ANKRD39: variants seen among roughly 807,000 people sequenced by gnomAD.
ANKRD39 encodes ankyrin repeat domain 39.
ANKRD39 carries 18 observed loss-of-function variants against 20.3 expected under a neutral mutation model. That is an observed-to-expected ratio of 0.89 (90% confidence interval 0.61 to 1.32). The LOEUF (loss-of-function observed/expected upper bound fraction) is 1.32, where lower values mean the gene tolerates loss of function less well. Ranked by LOEUF, ANKRD39 falls within the 40% of genes most tolerant of loss-of-function variation. ANKRD39 has a pLI of 0.00. For synonymous variants in ANKRD39, 106 were observed against 111.9 expected, an observed-to-expected ratio of 0.95 and a Z score of 0.33; for missense variants, 243 against 250.7, an observed-to-expected ratio of 0.97 and a Z score of 0.21.
At chr2:96,854,221 GA>G (rs1292125558) in intron 2 of ANKRD39, 116 bp downstream of exon 2, 2 of 1,056,838 alleles carry the variant, frequency 1.9e-6, no homozygotes, top group Non-Finnish European at 2.7e-6. Context: ...AATTTTGCTG[GA>G]AGAGAAGAAA....
At chr2:96,855,560 T>C (rs1331502407) in intron 1 of ANKRD39, among the ~76,000 whole-genome samples, 1 of 151,810 alleles carries the variant, frequency 6.6e-6, no homozygotes, top group East Asian at 1.9e-4. Flanking sequence ...CCGTCTCTAC[T>C]AAAAATACAA....
chr2:96,848,313 C>G lies in ANKRD39; in HGVS notation c.540G>C (p.Leu180=). The stretch of plus-strand genomic sequence containing the variant: ...ATAGGGTGGCGGCTCAGCTGGATAG[C>G]AGGTCCCGCAGGTCACTGTTGCAAG... ...LLPCNSDLRD[L]LSS The change falls in exon 4 of 4, where the codon CTG becomes CTC. Residue 180 remains leucine (L), a synonymous_variant. Coordinates refer to ENST00000393537, the MANE Select transcript of ANKRD39 (RefSeq NM_016466.6). 6.2e-7 allele frequency: 1 copy of G among 1,614,098 alleles called. No homozygotes were observed.
intron 1 of ANKRD39, among the ~76,000 whole-genome samples, chr2:96,855,088 AG>A (rs2079856250): frequency 1.3e-5 from 2 of 152,232 alleles, no homozygotes; most frequent in Admixed American, 6.5e-5. Context: ...AGGTGAGATG[AG>A]GGGAGTTCGG....
At position 96,854,389 on chromosome 2, in the gene ANKRD39, G is replaced by C; in HGVS notation, c.153C>G (p.Ile51Met). ...NGDLGRVKHL[I>M]QKAEDPSQPD... Reference sequence around the variant, plus strand: ...GCTGACTTGGGTCCTCGGCCTTCTGGATTAAATGCTTCACTCGGCCCAGGT... The same window carrying C: ...GCTGACTTGGGTCCTCGGCCTTCTGCATTAAATGCTTCACTCGGCCCAGGT... Residue 51 changes from isoleucine to methionine, a missense_variant, in exon 2 of 4, where the codon ATC becomes ATG. Transcript: ENST00000393537. 1 of 1,614,136 alleles carries C rather than the reference G, an allele frequency of 6.2e-7. No individual in the cohort carries two copies.
chr2:96,857,909 C>A lies in ANKRD39; in HGVS notation c.79G>T (p.Glu27Ter). 6.3e-7 allele frequency: 1 copy of A among 1,584,584 alleles called. No individual in the cohort carries two copies. Among genetic ancestry groups the A allele is most frequent in the Non-Finnish European group, 8.5e-7 (1 of 1,171,934 alleles). ...TCACCCCTCTCGAAGTCCATCTCCTCCAGCGTCTGCTGTACGCCGAGCACC... is the reference window on the plus strand; with the variant it reads ...TCACCCCTCTCGAAGTCCATCTCCTACAGCGTCTGCTGTACGCCGAGCACC... ...SAVLGVQQTLEEMDFERGIWS... is the reference protein window; with the variant it reads ...SAVLGVQQTL The change falls in exon 1 of 4, where the codon GAG (glutamate) becomes TAG (stop). Residue 27 changes from glutamate (E) to a stop codon, truncating the protein, a stop_gained. Transcript: ENST00000393537. LOFTEE classifies it high-confidence loss of function.
intron 3 of ANKRD39, among the ~76,000 whole-genome samples, chr2:96,851,015 A>G (rs1475640677): frequency 6.6e-6 from 1 of 152,226 alleles, no homozygotes; most frequent in Non-Finnish European, 1.5e-5. Context: ...GGTTTTTTTG[A>G]GACGGAATAT....
intron 3 of ANKRD39, among the ~76,000 whole-genome samples, chr2:96,852,454 A>G (rs1349832785): frequency 6.9e-6 from 1 of 145,860 alleles, no homozygotes; most frequent in African/African-American, 2.5e-5. Context: ...AGTGTAAGAG[A>G]CCAGGGGACA....
In ANKRD39 at chr2:96,858,011, C is replaced by A. The variant is rs1342888513; in HGVS notation, c.-24G>T. 4 of 1,508,888 alleles carry A rather than the reference C, an allele frequency of 2.7e-6. No homozygotes were observed. The South Asian group carries it at 3.7e-5, about 14-fold the overall frequency. The allele number at this position is 1,508,888 out of a possible 1,614,324, so 93.5% of individuals were successfully genotyped here. ...ATCCCGGCCCCGGCGTCAGTCGATC[C>A]GCCCCGGGTCTCAGGCTCAGCCTCG... On this transcript the variant is annotated 5_prime_UTR_variant, in exon 1 of 4. Coordinates refer to ENST00000393537, the MANE Select transcript of ANKRD39 (RefSeq NM_016466.6).
In ANKRD39 at chr2:96,854,461, G is replaced by C; in HGVS notation, c.101-20C>G. The C allele has an allele frequency of 6.2e-7, 1 of 1,612,056 alleles. No homozygotes were observed. Among genetic ancestry groups the C allele is most frequent in the African/African-American group, 1.3e-5 (1 of 75,016 alleles). On this transcript the variant is annotated intron_variant, in intron 1 of 3. Transcript: ENST00000393537. Reference sequence around the variant, plus strand: ...AGATTCCTGCAGAAAGGCAACCAAAGGACTGAATGATGCTGAATGGGAGTT... The same window carrying C: ...AGATTCCTGCAGAAAGGCAACCAAACGACTGAATGATGCTGAATGGGAGTT...
At chr2:96,851,404 C>A (rs1282929552) in intron 3 of ANKRD39, among the ~76,000 whole-genome samples, 1 of 152,206 alleles carries the variant, frequency 6.6e-6, no homozygotes, top group Non-Finnish European at 1.5e-5. Context: ...GATCTGCCCG[C>A]CTCAGCCTCC....
chr2:96,851,415 C>G (rs1035112605), intron 3 of ANKRD39, among the ~76,000 whole-genome samples: 1 of 152,104 alleles, frequency 6.6e-6, no homozygotes, highest in African/African-American at 2.4e-5. Context: ...CTCAGCCTCC[C>G]AAAGTGCTGG....
At chr2:96,854,755 C>T (rs1559025757) in intron 1 of ANKRD39, among the ~76,000 whole-genome samples, 1 of 152,090 alleles carries the variant, frequency 6.6e-6, no homozygotes, top group South Asian at 2.1e-4. Flanking sequence ...TCAGGTCGGG[C>T]TGGGATTACA....
At chr2:96,851,972 G>T (rs1055611225) in intron 3 of ANKRD39, among the ~76,000 whole-genome samples, 1 of 152,058 alleles carries the variant, frequency 6.6e-6, no homozygotes, top group Non-Finnish European at 1.5e-5. Context: ...GGGCCCAGGT[G>T]TCGAGACGAT....
At chr2:96,852,495 A>G (rs533532312) in intron 3 of ANKRD39, among the ~76,000 whole-genome samples, 45 of 146,010 alleles carry the variant, frequency 3.1e-4, no homozygotes, top group African/African-American at 1.1e-3. Context: ...AGGGGTGGGG[A>G]AAAAAGACAA....
intron 3 of ANKRD39, among the ~76,000 whole-genome samples, chr2:96,852,948 G>A (rs1022611219): frequency 2.0e-5 from 3 of 152,140 alleles, no homozygotes; most frequent in Non-Finnish European, 4.4e-5. Context: ...CTCAAAGGAC[G>A]GGCCTAGAAG....
Position 96,854,448 on chromosome 2 carries a change from A to G in ANKRD39, c.101-7T>C. The G allele has an allele frequency of 6.2e-7, 1 of 1,613,786 alleles. No individual in the cohort carries two copies. The highest frequency in any genetic ancestry group is 1.6e-4 in the Middle Eastern group (1 of 6,062). Reference sequence around the variant, plus strand: ...AGGGCTGCCGACCAGATTCCTGCAGAAAGGCAACCAAAGGACTGAATGATG... The same window carrying G: ...AGGGCTGCCGACCAGATTCCTGCAGGAAGGCAACCAAAGGACTGAATGATG... On this transcript the variant is annotated splice_region_variant and splice_polypyrimidine_tract_variant and intron_variant, in intron 1 of 3. Coordinates refer to ENST00000393537, the MANE Select transcript of ANKRD39 (RefSeq NM_016466.6).
At position 96,853,393 on chromosome 2, in the gene ANKRD39, G is replaced by A. The variant is rs947371407; in HGVS notation, c.408+8C>T. On this transcript the variant is annotated splice_region_variant and intron_variant, in intron 3 of 3. Transcript: ENST00000393537. ...AAACGACATTTTTGGAAGGGGGAAC[G>A]GGCCCACCTTATGCAGACTGGTCAT... 2.6e-6 allele frequency: 4 copies of A among 1,565,182 alleles called. No homozygotes were observed. Among genetic ancestry groups the A allele is most frequent in the South Asian group, 2.3e-5 (2 of 85,378 alleles).
Position 96,854,461 on chromosome 2 carries a change from G to A in ANKRD39, c.101-20C>T. ...AGATTCCTGCAGAAAGGCAACCAAA[G>A]GACTGAATGATGCTGAATGGGAGTT... On this transcript the variant is annotated intron_variant, in intron 1 of 3. Transcript: ENST00000393537. 6.2e-7 allele frequency: 1 copy of A among 1,612,056 alleles called. No individual in the cohort carries two copies. Among genetic ancestry groups the A allele is most frequent in the South Asian group, 1.1e-5 (1 of 90,992 alleles).
chr2:96,851,174 G>C (rs1308573514), intron 3 of ANKRD39, among the ~76,000 whole-genome samples: 2 of 143,670 alleles, frequency 1.4e-5, no homozygotes, highest in African/African-American at 5.2e-5. Context: ...TTTTTTTTTT[G>C]AGACAGAGTT....
Sources: allele counts gnomAD v4.1 joint callset (sites outside exome capture counted in the v4.1 genomes callset), GRCh38; gene constraint gnomAD v4.1.1; transcripts MANE v1.5; gene names NCBI Gene and HGNC (gene_info 2026-07-23, HGNC 2026-07-21).